UNC5C: variants seen among roughly 807,000 people sequenced by gnomAD.
UNC5C encodes the protein unc-5 netrin receptor C.
Under a neutral mutation model 99.8 loss-of-function variants are expected in UNC5C, and 47 were observed. The ratio of observed to expected loss-of-function variants is 0.47; its 90% CI spans 0.37 to 0.60. UNC5C has a LOEUF of 0.60. Among genes scored for constraint, UNC5C ranks in the 20% least tolerant of loss-of-function variants. The pLI, the probability that UNC5C is intolerant of heterozygous loss-of-function variation, is 0.00. For missense variants in UNC5C, 1,062 were observed against 1,165.9 expected, an observed-to-expected ratio of 0.91 and a Z score of 1.30; for synonymous variants, 487 against 452.2, an observed-to-expected ratio of 1.08 and a Z score of -0.98.
chr4:95,351,835 T>A (rs914489140), intron 1 of UNC5C, among the ~76,000 whole-genome samples: 2 of 152,144 alleles, frequency 1.3e-5, no homozygotes, highest in East Asian at 1.9e-4. Context: ...AGAAATAAGA[T>A]GACACCTCTG....
chr4:95,259,175 G>A (rs1740126863), intron 4 of UNC5C, among the ~76,000 whole-genome samples: 1 of 152,024 alleles, frequency 6.6e-6, no homozygotes, highest in Non-Finnish European at 1.5e-5. Flanking sequence ...TATGTCTCCC[G>A]TGGGCAAGTG....
chr4:95,416,477 G>A (rs777652031), intron 1 of UNC5C, among the ~76,000 whole-genome samples: 2 of 152,046 alleles, frequency 1.3e-5, no homozygotes, highest in African/African-American at 2.4e-5. Flanking sequence ...AGAAGGGTGC[G>A]GGTATGATGG....
rs1206423898 is a variant in UNC5C at position 95,165,188 on chromosome 4, C to T, written c.*4046G>A. The T allele has an allele frequency of 6.6e-6, 1 of 152,164 alleles. No homozygotes were observed. Among genetic ancestry groups the T allele is most frequent in the Non-Finnish European group, 1.5e-5 (1 of 68,036 alleles). 9.4% of individuals were successfully genotyped at this position (152,164 alleles called of 1,614,324 possible). Reference sequence around the variant, plus strand: ...ATACCTTACTTGTAGGAAAAAATACCTTAAAAAAATTACTGGTCGCATAGT... The same window carrying T: ...ATACCTTACTTGTAGGAAAAAATACTTTAAAAAAATTACTGGTCGCATAGT... On this transcript the variant is annotated 3_prime_UTR_variant, in exon 16 of 16. Transcript: ENST00000453304.
Position 95,219,295 on chromosome 4 carries a change from G to C in UNC5C, c.1319C>G (p.Pro440Arg). ...AARQDLLAVP[P>R]DLTSAAAMYR... ...CATGGCTGCAGCTGACGTGAGGTCT[G>C]GGGGTACAGCCAGCAGATCTGAGTC... The change falls in exon 9 of 16, where the codon CCA becomes CGA. Residue 440 changes from proline (P) to arginine (R), a missense_variant. Coordinates refer to ENST00000453304, the MANE Select transcript of UNC5C (RefSeq NM_003728.4). The C allele has an allele frequency of 6.2e-7, 1 of 1,613,664 alleles. No homozygotes were observed. Among genetic ancestry groups the C allele is most frequent in the Non-Finnish European group, 8.5e-7 (1 of 1,179,690 alleles).
chr4:95,286,839 A>G (rs989840151), intron 3 of UNC5C, among the ~76,000 whole-genome samples: 9 of 152,172 alleles, frequency 5.9e-5, no homozygotes, highest in Non-Finnish European at 1.3e-4. Flanking sequence ...TCTGATGACT[A>G]ACAGAAGTTG....
rs528792743 is a variant in UNC5C at position 95,469,911 on chromosome 4, T to A, written c.124+78823A>T. Among the ~76,000 whole-genome samples, 52 of 152,254 alleles carry A rather than the reference T, an allele frequency of 3.4e-4. 1 individual carries two copies. The highest frequency in any genetic ancestry group is 1.2e-3 in the African/African-American group (50 of 41,574). On this transcript the variant is annotated intron_variant, in intron 1 of 15. Transcript: ENST00000453304. ...AGCATCAAAGAGTGTTTTTAGTGGATCTTTTAACACTGGAGCTCACTGCAA... is the reference window on the plus strand; with the variant it reads ...AGCATCAAAGAGTGTTTTTAGTGGAACTTTTAACACTGGAGCTCACTGCAA...
intron 6 of UNC5C, among the ~76,000 whole-genome samples, chr4:95,244,724 A>T (rs1200832271): frequency 1.3e-5 from 2 of 152,190 alleles, no homozygotes; most frequent in Admixed American, 6.5e-5. Flanking sequence ...GTTTTGTTGA[A>T]TAATATAAAG....
At chr4:95,475,439 C>T (rs148278266) in intron 1 of UNC5C, among the ~76,000 whole-genome samples, 160 of 151,954 alleles carry the variant, frequency 1.1e-3, no homozygotes, top group Middle Eastern at 0.01. Flanking sequence ...TCAATGATGG[C>T]GTATATTAAA....
At chr4:95,456,552 A>G (rs1747432219) in intron 1 of UNC5C, among the ~76,000 whole-genome samples, 1 of 152,102 alleles carries the variant, frequency 6.6e-6, no homozygotes, top group South Asian at 2.1e-4. Flanking sequence ...GGCTGCCTTT[A>G]CACTTGATTT....
At chr4:95,319,674 C>T (rs955902583) in intron 2 of UNC5C, among the ~76,000 whole-genome samples, 3 of 152,082 alleles carry the variant, frequency 2.0e-5, no homozygotes, top group African/African-American at 7.2e-5. Context: ...ATGGTAAACA[C>T]GGGGGAAGAC....
At chr4:95,239,441 G>C (rs200545830) in intron 7 of UNC5C, among the ~76,000 whole-genome samples, 4 of 151,950 alleles carry the variant, frequency 2.6e-5, no homozygotes, top group African/African-American at 9.7e-5. Flanking sequence ...CTTTCTTTAG[G>C]GTTCTTATTT....
intron 4 of UNC5C, among the ~76,000 whole-genome samples, chr4:95,255,893 A>G (rs768627498): frequency 1.3e-5 from 2 of 151,964 alleles, no homozygotes; most frequent in African/African-American, 2.4e-5. Flanking sequence ...GCTGTCTTCA[A>G]TTCCCCACTG....
chr4:95,418,216 C>T (rs990803843), intron 1 of UNC5C, among the ~76,000 whole-genome samples: 13 of 152,174 alleles, frequency 8.5e-5, no homozygotes, highest in African/African-American at 2.7e-4. Context: ...TTTTCACAGC[C>T]TTAGTCTTGC....
chr4:95,502,927 A>G (rs1330197895), intron 1 of UNC5C, among the ~76,000 whole-genome samples: 3 of 152,172 alleles, frequency 2.0e-5, no homozygotes, highest in African/African-American at 7.2e-5. Flanking sequence ...CTGGACTCTG[A>G]CTAACCTTAC....
chr4:95,442,450 T>C (rs1412353070), intron 1 of UNC5C, among the ~76,000 whole-genome samples: 1 of 150,182 alleles, frequency 6.7e-6, no homozygotes, highest in African/African-American at 2.5e-5. Flanking sequence ...TCAAGCGATC[T>C]TCCCTCCTTG....
chr4:95,397,107 A>C (rs1745535910), intron 1 of UNC5C, among the ~76,000 whole-genome samples: 2 of 152,190 alleles, frequency 1.3e-5, no homozygotes. Context: ...TGGGTGCCAA[A>C]GGAAGAGTCT....
intron 1 of UNC5C, among the ~76,000 whole-genome samples, chr4:95,397,101 T>C (rs1579382735): frequency 6.6e-6 from 1 of 152,078 alleles, no homozygotes; most frequent in Non-Finnish European, 1.5e-5. Flanking sequence ...ATTGTCTGGG[T>C]GCCAAAGGAA....
At chr4:95,196,176 T>C (rs2149357535) in intron 12 of UNC5C, among the ~76,000 whole-genome samples, 1 of 152,304 alleles carries the variant, frequency 6.6e-6, no homozygotes, top group Admixed American at 6.5e-5. Flanking sequence ...AATATAACCT[T>C]GCTCTTGGTT....
At chr4:95,231,495 T>C (rs1288601246) in intron 7 of UNC5C, among the ~76,000 whole-genome samples, 1 of 152,204 alleles carries the variant, frequency 6.6e-6, no homozygotes, top group African/African-American at 2.4e-5. Flanking sequence ...TCCACTAGGC[T>C]ACTTGATAAG....
Sources: gnomAD v4.1 joint callset for allele counts (sites outside exome capture counted in the v4.1 genomes callset) on GRCh38, gnomAD v4.1.1 for gene constraint, MANE v1.5 for transcripts, NCBI Gene and HGNC (gene_info 2026-07-23, HGNC 2026-07-21) for gene names.